Variants in CNTN5 observed in about 807,000 individuals in gnomAD.
CNTN5 encodes the protein contactin-5.
A neutral mutation model predicts 129.1 loss-of-function variants in CNTN5; 77 were observed. The observed-to-expected ratio is 0.60, with a 90% CI of 0.50 to 0.72. The LOEUF is 0.72. CNTN5 is among the 30% of genes least tolerant of loss of function. The pLI, the probability that CNTN5 is intolerant of heterozygous loss-of-function variation, is 0.00. For synonymous variants in CNTN5, 509 were observed against 465.6 expected (o/e 1.09, Z -1.20); for missense variants, 1,478 against 1,328.8 (o/e 1.11, Z -1.75).
At chr11:99,042,334 G>A (rs1387915604) in intron 1 of CNTN5, among the ~76,000 whole-genome samples, 5 of 140,744 alleles carry the variant, frequency 3.6e-5, no homozygotes, top group Admixed American at 7.3e-5. Flanking sequence ...AAACCTGCAC[G>A]TTCTGCACAT....
intron 12 of CNTN5, among the ~76,000 whole-genome samples, 161 bp downstream of exon 12, chr11:100,071,995 A>G (rs1046238118): frequency 3.1e-4 from 47 of 152,100 alleles, no homozygotes; most frequent in African/African-American, 1.1e-3. Context: ...TTTAGTAGAC[A>G]GGTTTATGTT....
intron 13 of CNTN5, among the ~76,000 whole-genome samples, chr11:100,087,674 A>G (rs1041025201): frequency 2.0e-5 from 3 of 152,024 alleles, no homozygotes; most frequent in Non-Finnish European, 4.4e-5. Flanking sequence ...GCCACACAAC[A>G]GTAGTGGGGG....
rs545878980 is a variant in CNTN5, at chr11:100,053,695, G to C, written c.981-7517G>C. On this transcript the variant is annotated intron_variant, in intron 9 of 24. Coordinates refer to ENST00000524871, the MANE Select transcript of CNTN5 (RefSeq NM_014361.4). ...TTATACAGTTGAACATTTACTTACC[G>C]TACATTCTAGAATTTCTATGCTTTT... Among the ~76,000 whole-genome samples the C allele has an allele frequency of 6.5e-5, 9 of 139,076 alleles. No individual in the cohort carries two copies. The South Asian group carries it at 2.0e-3, about 31-fold the overall frequency. 91.2% of individuals were successfully genotyped at this position (139,076 alleles called of 152,430 possible).
At chr11:99,814,492 G>T (rs1946520881) in intron 3 of CNTN5, among the ~76,000 whole-genome samples, 1 of 152,156 alleles carries the variant, frequency 6.6e-6, no homozygotes, top group Non-Finnish European at 1.5e-5. Flanking sequence ...CACACATTGA[G>T]TTCTTTCAGC....
chr11:99,754,132 G>A (rs752885731), intron 3 of CNTN5, among the ~76,000 whole-genome samples: 1 of 152,154 alleles, frequency 6.6e-6, no homozygotes, highest in Non-Finnish European at 1.5e-5. Flanking sequence ...CTTTATGGCT[G>A]TTGTCCATTT....
chr11:99,728,102 A>G (rs1006801083), intron 3 of CNTN5, among the ~76,000 whole-genome samples: 3 of 152,196 alleles, frequency 2.0e-5, no homozygotes, highest in Non-Finnish European at 2.9e-5. Flanking sequence ...ATCAGTAGGG[A>G]AAAGTGATGG....
At chr11:99,609,940 G>T (rs910485169) in intron 3 of CNTN5, among the ~76,000 whole-genome samples, 4 of 152,064 alleles carry the variant, frequency 2.6e-5, no homozygotes, top group Non-Finnish European at 5.9e-5. Flanking sequence ...TGTTCTATGT[G>T]CCAGGCACTA....
At chr11:99,786,730 A>G (rs1462144242) in intron 3 of CNTN5, among the ~76,000 whole-genome samples, 1 of 152,174 alleles carries the variant, frequency 6.6e-6, no homozygotes, top group Non-Finnish European at 1.5e-5. Flanking sequence ...TCTTTGACAA[A>G]CCTGACCAAA....
intron 9 of CNTN5, among the ~76,000 whole-genome samples, chr11:100,002,711 C>A (rs773832530): frequency 6.6e-6 from 1 of 152,058 alleles, no homozygotes; most frequent in African/African-American, 2.4e-5. Context: ...GATTATATTT[C>A]TGAGGGTTTA....
intron 1 of CNTN5, among the ~76,000 whole-genome samples, chr11:99,088,049 C>T (rs1176232542): frequency 6.6e-6 from 1 of 152,140 alleles, no homozygotes; most frequent in Non-Finnish European, 1.5e-5. Flanking sequence ...TGTAAATAGC[C>T]TTTTTGGAGG....
At chr11:99,910,992 C>T (rs956763995) in intron 6 of CNTN5, among the ~76,000 whole-genome samples, 7 of 151,968 alleles carry the variant, frequency 4.6e-5, no homozygotes, top group African/African-American at 1.4e-4. Context: ...CAAAACTTGT[C>T]CGTTGTTTTT....
At chr11:99,974,995 G>C (rs1200157950) in intron 8 of CNTN5, among the ~76,000 whole-genome samples, 1 of 152,294 alleles carries the variant, frequency 6.6e-6, no homozygotes, top group African/African-American at 2.4e-5. Context: ...CAAATAACTT[G>C]TAGTACAAAT....
intron 6 of CNTN5, among the ~76,000 whole-genome samples, chr11:99,862,406 T>A (rs1175056958): frequency 6.6e-6 from 1 of 152,082 alleles, no homozygotes; most frequent in Non-Finnish European, 1.5e-5. Context: ...CAAATTACCA[T>A]CTTCCTATAT....
At chr11:99,133,381 C>CAA (rs34196692) in intron 1 of CNTN5, among the ~76,000 whole-genome samples, 63 of 150,740 alleles carry the variant, frequency 4.2e-4, no homozygotes, top group African/African-American at 1.4e-3. Flanking sequence ...AAAGCAATTG[C>CAA]AAAAAAAAGG....
chr11:100,232,087 G>A (rs1591417850), intron 16 of CNTN5, among the ~76,000 whole-genome samples: 1 of 152,040 alleles, frequency 6.6e-6, no homozygotes, highest in South Asian at 2.1e-4. Context: ...CTGGGAGGGG[G>A]AGGTTGCAGT....
In CNTN5 at chr11:99,602,804, A is replaced by G. The variant is rs867183456; in HGVS notation, c.55+46535A>G. On this transcript the variant is annotated intron_variant, in intron 3 of 24. Coordinates refer to ENST00000524871, the MANE Select transcript of CNTN5 (RefSeq NM_014361.4). ...GGTCCCTGACCCCTGACCCCCGAGCAGCCTAACTGGGAGGCACCCCCCAGC... is the reference window on the plus strand; with the variant it reads ...GGTCCCTGACCCCTGACCCCCGAGCGGCCTAACTGGGAGGCACCCCCCAGC... 2.2e-3 allele frequency among the ~76,000 whole-genome samples: 329 copies of G among 147,576 alleles called. 1 individual carries two copies. The highest frequency in any genetic ancestry group is 7.8e-3 in the African/African-American group (310 of 39,692).
chr11:99,688,566 A>T (rs1306714414), intron 3 of CNTN5, among the ~76,000 whole-genome samples: 2 of 149,828 alleles, frequency 1.3e-5, no homozygotes, highest in African/African-American at 2.5e-5. Flanking sequence ...AAAGATGGAA[A>T]TTTTTTTTTC....
At chr11:100,166,467 G>T (rs1287134626) in intron 13 of CNTN5, among the ~76,000 whole-genome samples, 1 of 151,640 alleles carries the variant, frequency 6.6e-6, no homozygotes, top group Non-Finnish European at 1.5e-5. Context: ...ATTATTCAAG[G>T]TAAGTGTTGG....
intron 2 of CNTN5, among the ~76,000 whole-genome samples, chr11:99,452,080 G>A (rs1486656889): frequency 6.6e-6 from 1 of 151,940 alleles, no homozygotes; most frequent in Admixed American, 6.6e-5. Context: ...GAACCCCAAA[G>A]TACCTTAGAG....
Sources: allele counts gnomAD v4.1 joint callset (sites outside exome capture counted in the v4.1 genomes callset), GRCh38; gene constraint gnomAD v4.1.1; transcripts MANE v1.5; gene names NCBI Gene and HGNC (gene_info 2026-07-23, HGNC 2026-07-21).